Variants in TPD52L2 observed in about 807,000 individuals in gnomAD.
TPD52L2 encodes the protein TPD52 like 2, also known as tumor protein D54.
TPD52L2 carries 19 observed loss-of-function variants against 24.7 expected under a neutral mutation model. That is an observed-to-expected ratio of 0.77 (90% CI 0.54 to 1.13). The LOEUF (loss-of-function observed/expected upper bound fraction) is 1.13. Among genes scored for constraint, TPD52L2 ranks in the 50% most tolerant of loss-of-function variants. TPD52L2 has a pLI of 0.00. For synonymous variants in TPD52L2, 104 were observed against 100.2 expected, an observed-to-expected ratio of 1.04 and a Z score of -0.23; for missense variants, 236 against 250.4, an observed-to-expected ratio of 0.94 and a Z score of 0.39.
rs1441456539 is a variant in TPD52L2, at chr20:63,869,373, G to GCC, written c.99_100dup (p.Arg34ProfsTer9). The GCC allele has an allele frequency of 6.2e-7, 1 of 1,614,096 alleles. No individual in the cohort carries two copies. The highest frequency in any genetic ancestry group is 8.5e-7 in the Non-Finnish European group (1 of 1,180,028). On this transcript the variant is annotated frameshift_variant, in exon 2 of 7. Coordinates refer to ENST00000346249, the MANE Select transcript of TPD52L2 (RefSeq NM_003288.4). LOFTEE classifies it high-confidence loss of function. ...TGTTCCTGTCGACACAGGTGTGGCT[G>GCC]CCCGGACTCCTGCTGTTGAGGGTCT...
intron 4 of TPD52L2, 111 bp from the exon 5 acceptor site, chr20:63,882,608 C>T: frequency 1.2e-6 from 1 of 857,558 alleles, no homozygotes; most frequent in Non-Finnish European, 1.9e-6. Context: ...ACCCCTTGGC[C>T]CAGCTCCTTT....
At chr20:63,869,109 G>A (rs182344111) in intron 1 of TPD52L2, among the ~76,000 whole-genome samples, 187 bp from the exon 2 acceptor site, 2 of 152,314 alleles carry the variant, frequency 1.3e-5, no homozygotes, top group East Asian at 3.9e-4. Context: ...TTTCAGCTCA[G>A]GTGGTCTGAG....
intron 3 of TPD52L2, 45 bp from the exon 4 acceptor site, chr20:63,875,771 A>G: frequency 6.3e-7 from 1 of 1,599,636 alleles, no homozygotes; most frequent in South Asian, 1.1e-5. Flanking sequence ...TGCCTGAGTT[A>G]AAATTGTTCT....
In TPD52L2 at chr20:63,889,833, T is replaced by C. The variant is rs2053266373; in HGVS notation, c.526-17T>C. 3 of 1,610,914 alleles carry C rather than the reference T, an allele frequency of 1.9e-6. No individual in the cohort carries two copies. The highest frequency in any genetic ancestry group is 1.3e-5 in the African/African-American group (1 of 75,006). ...TCTGTCTCAGGTTTTTCTGTCTTCA[T>C]CTTTTCTCTCCTGTAGTCTAAGGTT... On this transcript the variant is annotated splice_polypyrimidine_tract_variant and intron_variant, in intron 6 of 6. Transcript: ENST00000346249.
chr20:63,882,514 A>G (rs779203805), intron 4 of TPD52L2, among the ~76,000 whole-genome samples: 5 of 152,226 alleles, frequency 3.3e-5, no homozygotes, highest in Non-Finnish European at 7.4e-5. Context: ...CGAGCAATGC[A>G]CAGGCGGCTC....
chr20:63,868,660 T>TTTTAAAAAAAG (rs1384763193), intron 1 of TPD52L2, among the ~76,000 whole-genome samples: 1 of 152,102 alleles, frequency 6.6e-6, no homozygotes, highest in Non-Finnish European at 1.5e-5. Context: ...AAGTGGAAAT[T>TTTTAAAAAAAG]TGTCAGGGTA....
rs2052754935 is a variant in TPD52L2 at position 63,877,970 on chromosome 20, C to T, written c.374+2095C>T. Among the ~76,000 whole-genome samples, 1 of 152,234 alleles carries T rather than the reference C, an allele frequency of 6.6e-6. No homozygotes were observed. The highest frequency in any genetic ancestry group is 1.5e-5 in the Non-Finnish European group (1 of 68,032). On this transcript the variant is annotated intron_variant, in intron 4 of 6. Transcript: ENST00000346249. This position sits in a 1 kb window ranked among gnomAD's most constrained non-coding sequence, Gnocchi z 4.1. ...ATGGTTTCTGCCGGGACGGCCGAGG[C>T]CGAGGGCGGTGGTTTCTGCCGGGAC...
intron 4 of TPD52L2, among the ~76,000 whole-genome samples, chr20:63,880,630 CCTGTAATCCCAACA>C (rs2052857757): frequency 6.6e-6 from 1 of 152,230 alleles, no homozygotes; most frequent in Admixed American, 6.5e-5. Flanking sequence ...GTGGCTCACA[CCTGTAATCCCAACA>C]CTTTTGGAGG....
At chr20:63,884,197 G>T (rs540599996) in intron 5 of TPD52L2, among the ~76,000 whole-genome samples, 7 of 151,728 alleles carry the variant, frequency 4.6e-5, no homozygotes, top group Non-Finnish European at 1.0e-4. Flanking sequence ...GCTGTGACTT[G>T]GGGGGGTCCT....
chr20:63,869,418 G>C lies in TPD52L2; in HGVS notation c.142G>C (p.Glu48Gln). The change falls in exon 2 of 7, where the codon GAG becomes CAG. Residue 48 changes from glutamate to glutamine, a missense_variant. By Grantham distance (29) the Glu-to-Gln change is conservative. Coordinates refer to ENST00000346249, the MANE Select transcript of TPD52L2 (RefSeq NM_003288.4). ...VEGLTEAEEE[E>Q]LRAELTKVEE... ...GGGTCTGACAGAGGCTGAGGAGGAG[G>C]AGCTCAGGGCTGAGCTTACCAAGGT... is the stretch of plus-strand genomic sequence containing the variant. 1 of 1,614,204 alleles carries C rather than the reference G, an allele frequency of 6.2e-7. No homozygotes were observed. The highest frequency in any genetic ancestry group is 1.3e-5 in the African/African-American group (1 of 75,052).
In TPD52L2 at chr20:63,869,359, A is replaced by G; in HGVS notation, c.83A>G (p.Asp28Gly). Residue 28 changes from aspartate (D) to glycine (G), a missense_variant, in exon 2 of 7, where the codon GAC becomes GGC. By Grantham distance (94) the Asp-to-Gly change is moderately conservative. Transcript: ENST00000346249. ...GACTCCATGACGGATGTTCCTGTCG[A>G]CACAGGTGTGGCTGCCCGGACTCCT... ...LSDSMTDVPV[D>G]TGVAARTPAV... 6.2e-7 allele frequency: 1 copy of G among 1,614,170 alleles called. No homozygotes were observed. The highest frequency in any genetic ancestry group is 8.5e-7 in the Non-Finnish European group (1 of 1,180,024).
intron 4 of TPD52L2, among the ~76,000 whole-genome samples, chr20:63,881,282 A>T (rs1568953614): frequency 6.6e-6 from 1 of 151,570 alleles, no homozygotes; most frequent in Non-Finnish European, 1.5e-5. Flanking sequence ...AATCTCTTGA[A>T]CCCGGAGGCG....
intron 1 of TPD52L2, 36 bp from the exon 2 acceptor site, chr20:63,869,260 A>G: frequency 6.2e-7 from 1 of 1,612,610 alleles, no homozygotes; most frequent in Non-Finnish European, 8.5e-7. Flanking sequence ...GAACTAACTT[A>G]TTTGACACTT....
rs894878562 is a variant in TPD52L2 at position 63,890,642 on chromosome 20, ATTTC to A, written c.*703_*706del. ...CAAGCCTTACATTGCCTTATGCTTT[ATTTC>A]TTTCTAATTTTTATATGTATATAGA... On this transcript the variant is annotated 3_prime_UTR_variant, in exon 7 of 7. Coordinates refer to ENST00000346249, the MANE Select transcript of TPD52L2 (RefSeq NM_003288.4). 4 of 152,710 alleles carry A rather than the reference ATTTC, an allele frequency of 2.6e-5. No homozygotes were observed. Among genetic ancestry groups the A allele is most frequent in the African/African-American group, 9.7e-5 (4 of 41,428 alleles). 9.5% of individuals were successfully genotyped at this position (152,710 alleles called of 1,614,324 possible). A position where few individuals can be genotyped will look rare whatever the true frequency, so the allele number is the denominator to read the frequency against.
intron 3 of TPD52L2, 94 bp downstream of exon 3, chr20:63,873,910 C>T (rs1162708349): frequency 1.6e-5 from 22 of 1,359,340 alleles, no homozygotes; most frequent in Middle Eastern, 5.3e-4. Flanking sequence ...TGCCCAGGGA[C>T]GAGTTGCAGC....
In TPD52L2 at chr20:63,870,442, C is replaced by T. The variant is rs145453504; in HGVS notation, c.165+1001C>T. 5.9e-5 allele frequency among the ~76,000 whole-genome samples: 9 copies of T among 151,550 alleles called. No individual in the cohort carries two copies. The East Asian group carries it at 1.8e-3, about 29-fold the overall frequency. On this transcript the variant is annotated intron_variant, in intron 2 of 6. Transcript: ENST00000346249. Reference sequence around the variant, plus strand: ...AGGAAGTCCAAGGACACTTTGCTTTCCATTTAACTTCAGAATATGTGAGTT... The same window carrying T: ...AGGAAGTCCAAGGACACTTTGCTTTTCATTTAACTTCAGAATATGTGAGTT...
chr20:63,876,813 G>A (rs774989468), intron 4 of TPD52L2: 25 of 455,870 alleles, frequency 5.5e-5, no homozygotes, highest in Non-Finnish European at 7.9e-5. Context: ...ATGTTGCCCC[G>A]GGTATTCCAG....
At chr20:63,872,458 A>G (rs1600794057) in intron 2 of TPD52L2, among the ~76,000 whole-genome samples, 1 of 151,682 alleles carries the variant, frequency 6.6e-6, no homozygotes, top group African/African-American at 2.4e-5. Flanking sequence ...GCTCACTGCA[A>G]CCTCTGTCTC....
Position 63,882,740 on chromosome 20 carries a change from T to A in TPD52L2, c.396T>A (p.Thr132=). The A allele has an allele frequency of 6.2e-7, 1 of 1,614,146 alleles. No individual in the cohort carries two copies. The highest frequency in any genetic ancestry group is 8.5e-7 in the Non-Finnish European group (1 of 1,180,006). ...QSDLYKKTQE[T]LSQAGQKTSA... is the part of the protein sequence containing the mutation. ...CCAGCTACAAGAAGACTCAGGAAAC[T>A]CTTTCACAGGCAGGACAGAAGACTT... The change falls in exon 5 of 7, where the codon ACT becomes ACA. Residue 132 remains threonine, a synonymous_variant. Transcript: ENST00000346249.
Sources: allele counts gnomAD v4.1 joint callset (sites outside exome capture counted in the v4.1 genomes callset), GRCh38; gene constraint gnomAD v4.1.1; non-coding constraint Gnocchi (gnomAD v3.1); transcripts MANE v1.5; gene names NCBI Gene and HGNC (gene_info 2026-07-23, HGNC 2026-07-21).